RFC3: variants seen among roughly 807,000 people sequenced by gnomAD.
RFC3 encodes replication factor C subunit 3, also known as A1 38 kDa subunit.
In RFC3, 41 loss-of-function variants were observed where a neutral mutation model predicts 45.1. The ratio of observed to expected loss-of-function variants is 0.91; its 90% CI spans 0.71 to 1.18. RFC3 has a LOEUF of 1.18. Ranked by LOEUF, RFC3 falls within the 50% of genes most tolerant of loss-of-function variation. RFC3 has a pLI of 0.00. For synonymous variants in RFC3, 149 were observed against 144.0 expected (o/e 1.03, Z -0.25); for missense variants, 423 against 428.1 (o/e 0.99, Z 0.10).
In RFC3 at chr13:33,948,593, C is replaced by G. The variant is rs142017590; in HGVS notation, c.880-17494C>G. Among the ~76,000 whole-genome samples, 384 of 152,336 alleles carry G rather than the reference C, an allele frequency of 2.5e-3. 4 individuals are homozygous for G. Among genetic ancestry groups the G allele is most frequent in the African/African-American group, 8.6e-3 (359 of 41,572 alleles). ...TTGCCCTGCATGCCTGGAAAAGCCTCAGACACTCAATGCCAGTCTGTGAAT... is the reference window on the plus strand; with the variant it reads ...TTGCCCTGCATGCCTGGAAAAGCCTGAGACACTCAATGCCAGTCTGTGAAT... On this transcript the variant is annotated intron_variant, in intron 8 of 8. Transcript: ENST00000434425.
intron 8 of RFC3, among the ~76,000 whole-genome samples, chr13:33,925,350 ATATATAGTG>A (rs2082800906): frequency 4.2e-5 from 2 of 48,174 alleles, no homozygotes; most frequent in Non-Finnish European, 6.6e-5. Context: ...ATATACATAC[ATATATAGTG>A]TACTATATAC....
chr13:33,905,395 A>G (rs2082666009), intron 8 of RFC3, among the ~76,000 whole-genome samples: 1 of 151,730 alleles, frequency 6.6e-6, no homozygotes, highest in African/African-American at 2.4e-5. Flanking sequence ...TAAAAACATC[A>G]TCGCTGATTT....
chr13:33,903,643 G>A (rs1163599652), intron 8 of RFC3, among the ~76,000 whole-genome samples: 2 of 151,970 alleles, frequency 1.3e-5, no homozygotes, highest in African/African-American at 4.8e-5. Context: ...GCATAACCAA[G>A]AAAATGCCTC....
chr13:33,908,373 T>C (rs2082684004), intron 8 of RFC3, among the ~76,000 whole-genome samples: 1 of 151,960 alleles, frequency 6.6e-6, no homozygotes, highest in Admixed American at 6.6e-5. Flanking sequence ...AAATTCTAAC[T>C]TGAGTGCCAA....
chr13:33,886,263 C>T (rs545547407), intron 8 of RFC3, among the ~76,000 whole-genome samples: 56 of 152,140 alleles, frequency 3.7e-4, no homozygotes, highest in African/African-American at 1.1e-3. Flanking sequence ...AAAATGAAAC[C>T]GGACCAGACA....
intron 8 of RFC3, among the ~76,000 whole-genome samples, chr13:33,879,732 C>T (rs952476511): frequency 1.3e-5 from 2 of 152,212 alleles, no homozygotes; most frequent in South Asian, 2.1e-4. Context: ...ACAAACTTAG[C>T]GGTTTAAATC....
At chr13:33,852,397 C>T (rs994148982) in intron 8 of RFC3, among the ~76,000 whole-genome samples, 3 of 152,222 alleles carry the variant, frequency 2.0e-5, no homozygotes, top group Middle Eastern at 6.8e-3. Context: ...TAGCACTGCC[C>T]CCACCTAAAA....
chr13:33,832,603 A>G (rs1335019914), intron 7 of RFC3, among the ~76,000 whole-genome samples: 2 of 152,190 alleles, frequency 1.3e-5, no homozygotes, highest in East Asian at 3.8e-4. Context: ...GTTTTCTCCA[A>G]GAAGTACCAA....
chr13:33,849,558 T>A (rs979733717), intron 8 of RFC3: 1 of 152,154 alleles, frequency 6.6e-6, no homozygotes, highest in African/African-American at 2.4e-5. Flanking sequence ...CAGTGATTTT[T>A]TTTTTTAAGT....
At chr13:33,828,941 G>A (rs543267926) in intron 4 of RFC3, among the ~76,000 whole-genome samples, 6 of 152,268 alleles carry the variant, frequency 3.9e-5, no homozygotes, top group Admixed American at 1.3e-4. Context: ...CTCCCACACC[G>A]TTGCTGATAC....
chr13:33,872,278 G>A (rs955879446), intron 8 of RFC3, among the ~76,000 whole-genome samples: 2 of 152,306 alleles, frequency 1.3e-5, no homozygotes, highest in Admixed American at 1.3e-4. Context: ...GGTCGTCAGC[G>A]TGGAGAGTTC....
chr13:33,921,354 C>T (rs139462699), intron 8 of RFC3, among the ~76,000 whole-genome samples: 79 of 152,218 alleles, frequency 5.2e-4, no homozygotes, highest in Non-Finnish European at 9.4e-4. Context: ...CTGAAGGCAA[C>T]GGCTTTGAAG....
In RFC3 at chr13:33,927,232, G is replaced by A. The variant is rs1176733727; in HGVS notation, c.880-38855G>A. Among the ~76,000 whole-genome samples, 3 of 142,488 alleles carry A rather than the reference G, an allele frequency of 2.1e-5. 1 individual carries two copies. The East Asian group carries it at 6.1e-4, about 29-fold the overall frequency. The allele number at this position is 142,488 out of a possible 152,430, so 93.5% of individuals were successfully genotyped here. A position where few individuals can be genotyped will look rare whatever the true frequency, so the allele number is the denominator to read the frequency against. Reference sequence around the variant, plus strand: ...AAAATAATAAAGGCTTTTTAAAGCAGTTAAAAAAAAAAAAAAGATTTGCAA... The same window carrying A: ...AAAATAATAAAGGCTTTTTAAAGCAATTAAAAAAAAAAAAAAGATTTGCAA... On this transcript the variant is annotated intron_variant, in intron 8 of 8. Coordinates refer to the RFC3 transcript ENST00000434425.
chr13:33,873,078 C>T (rs897464245), intron 8 of RFC3, among the ~76,000 whole-genome samples: 1 of 152,008 alleles, frequency 6.6e-6, no homozygotes, highest in Non-Finnish European at 1.5e-5. Flanking sequence ...ATAGGGTCCT[C>T]GAGAATGTTT....
rs1237385336 is a variant in RFC3 at position 33,884,846 on chromosome 13, T to A, written c.879+49629T>A. 2.6e-5 allele frequency among the ~76,000 whole-genome samples: 4 copies of A among 152,214 alleles called. No individual in the cohort carries two copies. The East Asian group carries it at 7.7e-4, about 29-fold the overall frequency. On this transcript the variant is annotated intron_variant, in intron 8 of 8. Coordinates refer to the RFC3 transcript ENST00000434425. Reference sequence around the variant, plus strand: ...GATTTTGTTATTTCATGTGGACAGATGCAGACCAGAGGAAAGAAAAAGAGA... The same window carrying A: ...GATTTTGTTATTTCATGTGGACAGAAGCAGACCAGAGGAAAGAAAAAGAGA...
downstream of RFC3, among the ~76,000 whole-genome samples, chr13:33,968,958 A>G (rs193056611): frequency 3.9e-5 from 6 of 152,316 alleles, no homozygotes; most frequent in East Asian, 1.2e-3. Flanking sequence ...TGACTTTACC[A>G]GGTCAAACTC....
At chr13:33,912,071 C>T (rs192887910) in intron 8 of RFC3, among the ~76,000 whole-genome samples, 1 of 152,030 alleles carries the variant, frequency 6.6e-6, no homozygotes, top group Non-Finnish European at 1.5e-5. Context: ...TTTGCACCAA[C>T]CTAATATTTG....
intron 8 of RFC3, among the ~76,000 whole-genome samples, chr13:33,942,612 A>G (rs542369179): frequency 6.6e-6 from 1 of 152,336 alleles, no homozygotes; most frequent in African/African-American, 2.4e-5. Flanking sequence ...ATGTCTGATT[A>G]AACTCTTGTA....
chr13:33,967,544 G>A (rs1238028105), downstream of RFC3, among the ~76,000 whole-genome samples: 1 of 136,602 alleles, frequency 7.3e-6, no homozygotes, highest in African/African-American at 2.8e-5. Flanking sequence ...CTGGAGTGCA[G>A]TGGTGCGGTC....
Sources: allele counts gnomAD v4.1 joint callset (sites outside exome capture counted in the v4.1 genomes callset), GRCh38; gene constraint gnomAD v4.1.1; transcripts MANE v1.5; gene names NCBI Gene and HGNC (gene_info 2026-07-23, HGNC 2026-07-21).